LTBP3: variants seen among roughly 807,000 people sequenced by gnomAD.
LTBP3 encodes latent-transforming growth factor beta-binding protein 3.
A neutral mutation model predicts 159.7 loss-of-function variants in LTBP3; 97 were observed. The observed-to-expected ratio is 0.61, with a 90% CI of 0.52 to 0.72. LTBP3 has a LOEUF of 0.72. Ranked by LOEUF, LTBP3 falls within the 30% of genes least tolerant of loss-of-function variation. The probability of loss-of-function intolerance (pLI) is 0.00; values close to 1 mark genes in which losing one functional copy is unlikely to be tolerated. For missense variants in LTBP3, 1,584 were observed against 1,864.3 expected, an observed-to-expected ratio of 0.85 and a Z score of 2.77; for synonymous variants, 824 against 777.1, an observed-to-expected ratio of 1.06 and a Z score of -1.00.
intron 18 of LTBP3, chr11:65,542,801 T>C (rs1400290021): frequency 1.5e-5 from 6 of 402,198 alleles, no homozygotes; most frequent in African/African-American, 8.2e-5. Context: ...GCCTGGCACA[T>C]AGTAAGCACC....
At chr11:65,557,541 C>T in intron 1 of LTBP3, 88 bp downstream of exon 1, 11 of 1,569,860 alleles carry the variant, frequency 7.0e-6, no homozygotes, top group Non-Finnish European at 8.7e-6. Flanking sequence ...CCTCAGCCCC[C>T]AGTCTCTAAG....
In LTBP3 at chr11:65,558,349, C is replaced by A; in HGVS notation, c.-390G>T. 1 of 271,330 alleles carries A rather than the reference C, an allele frequency of 3.7e-6. No homozygotes were observed. Among genetic ancestry groups the A allele is most frequent in the South Asian group, 1.4e-4 (1 of 7,152 alleles). The allele number at this position is 271,330 out of a possible 1,614,324, so 16.8% of individuals were successfully genotyped here. A position where few individuals can be genotyped will look rare whatever the true frequency, so the allele number is the denominator to read the frequency against. ...AGGCAGGGAGCGCGCGGGGAGGGCTCAGGGAGAAGTGAGCAGTTGTTTTCC... is the reference window on the plus strand; with the variant it reads ...AGGCAGGGAGCGCGCGGGGAGGGCTAAGGGAGAAGTGAGCAGTTGTTTTCC... On this transcript the variant is annotated 5_prime_UTR_variant, in exon 1 of 28. Coordinates refer to ENST00000301873, the MANE Select transcript of LTBP3 (RefSeq NM_001130144.3).
At position 65,543,489 on chromosome 11, in the gene LTBP3, C is replaced by A. The variant is rs775607719; in HGVS notation, c.2414G>T (p.Gly805Val). 1 of 1,614,120 alleles carries A rather than the reference C, an allele frequency of 6.2e-7. No homozygotes were observed. Among genetic ancestry groups the A allele is most frequent in the Non-Finnish European group, 8.5e-7 (1 of 1,179,992 alleles). The change falls in exon 17 of 28, where the codon GGA becomes GTA. Residue 805 changes from glycine (G) to valine (V), a missense_variant. Physicochemically the swap from Gly to Val is moderately radical, Grantham distance 109. Around this residue, in one of 6 missense-constraint regions of LTBP3, gnomAD observed 565 missense variants for 677.7 expected, o/e 0.83. Coordinates refer to ENST00000301873, the MANE Select transcript of LTBP3 (RefSeq NM_001130144.3). ...CDNGICSNTP[G>V]SFQCQCLSGY... The stretch of plus-strand genomic sequence containing the variant: ...AGAGAGGCACTGACACTGGAAAGAT[C>A]CTGGCGTGTTGCTGCAGATGCCATT...
At chr11:65,540,652 G>C in intron 21 of LTBP3, 38 bp from the exon 22 acceptor site, 5 of 1,611,324 alleles carry the variant, frequency 3.1e-6, no homozygotes, top group Non-Finnish European at 4.2e-6. Flanking sequence ...CGGTCCCGCA[G>C]CTGCAGCCCG....
Position 65,552,351 on chromosome 11 carries a change from C to G in LTBP3, c.1242G>C (p.Gln414His). 6.2e-7 allele frequency: 1 copy of G among 1,614,050 alleles called. No homozygotes were observed. The highest frequency in any genetic ancestry group is 8.5e-7 in the Non-Finnish European group (1 of 1,179,996). Reference protein sequence around the residue: ...LCFRLVSPEHQCQHPLTTRLT... With the variant: ...LCFRLVSPEHHCQHPLTTRLT... Reference sequence around the variant, plus strand: ...GGCGGGTGGTCAGTGGGTGCTGGCACTGGTGCTCAGGGCTCACCAGGCGGA... The same window carrying G: ...GGCGGGTGGTCAGTGGGTGCTGGCAGTGGTGCTCAGGGCTCACCAGGCGGA... The change falls in exon 7 of 28, where the codon CAG becomes CAC. Residue 414 changes from glutamine (Q) to histidine (H), a missense_variant. Physicochemically the swap from Gln to His is conservative, Grantham distance 24. This residue lies in a region of LTBP3 where 156 missense variants were observed against 259.7 expected (regional missense o/e 0.60). Coordinates refer to ENST00000301873, the MANE Select transcript of LTBP3 (RefSeq NM_001130144.3). The surrounding 1 kb of genome is among the most constrained non-coding windows in gnomAD (Gnocchi z 6.0).
chr11:65,551,917 G>C (rs1010539480), intron 8 of LTBP3, 55 bp downstream of exon 8: 19 of 1,577,484 alleles, frequency 1.2e-5, no homozygotes, highest in Non-Finnish European at 1.6e-5. Context: ...ACGGGTCAAG[G>C]GGTCAGGCCT....
Position 65,547,622 on chromosome 11 carries a change from G to A in LTBP3, c.1979-55C>T. 1 of 1,609,798 alleles carries A rather than the reference G, an allele frequency of 6.2e-7. No homozygotes were observed. The highest frequency in any genetic ancestry group is 8.5e-7 in the Non-Finnish European group (1 of 1,178,396). ...GTGTAGGAGGCGGCGGGCAAGGGGA[G>A]GGATTACACGGCGGTCTGGAGGAGA... On this transcript the variant is annotated intron_variant, in intron 13 of 27. Coordinates refer to ENST00000301873, the MANE Select transcript of LTBP3 (RefSeq NM_001130144.3). This position sits in a 1 kb window ranked among gnomAD's most constrained non-coding sequence, Gnocchi z 4.6.
At chr11:65,549,567 C>CTTTTTTTTTTTTTTTTTTTT (rs748132211) in intron 11 of LTBP3, among the ~76,000 whole-genome samples, 4 of 64,744 alleles carry the variant, frequency 6.2e-5, no homozygotes, top group Non-Finnish European at 7.8e-5. Context: ...CCCAGCTAAT[C>CTTTTTTTTTTTTTTTTTTTT]TTTTTTTTTT....
rs748487542 is a variant in LTBP3, at chr11:65,557,814, C to T, written c.146G>A (p.Arg49Gln). 1.3e-6 allele frequency: 2 copies of T among 1,492,604 alleles called. No homozygotes were observed. Among genetic ancestry groups the T allele is most frequent in the East Asian group, 2.7e-5 (1 of 37,430 alleles). 92.5% of individuals were successfully genotyped at this position (1,492,604 alleles called of 1,614,324 possible). A position where few individuals can be genotyped will look rare whatever the true frequency, so the allele number is the denominator to read the frequency against. Residue 49 changes from arginine to glutamine, a missense_variant, in exon 1 of 28, where the codon CGG becomes CAG. Arg to Gln is a conservative substitution (Grantham distance 43). Around this residue, in one of 6 missense-constraint regions of LTBP3, gnomAD observed 79 missense variants for 64.7 expected, o/e 1.22. Coordinates refer to ENST00000301873, the MANE Select transcript of LTBP3 (RefSeq NM_001130144.3). ...CAGCGCCCCGCCCCCGCCTGCGCCCCGCTCGCCGGCCGGCCCCCCCTCGAC... is the reference window on the plus strand; with the variant it reads ...CAGCGCCCCGCCCCCGCCTGCGCCCTGCTCGCCGGCCGGCCCCCCCTCGAC... ...GRVEGGPAGE[R>Q]GAGGGGALAR...
In LTBP3 at chr11:65,558,307, C is replaced by T; in HGVS notation, c.-348G>A. 1 of 667,434 alleles carries T rather than the reference C, an allele frequency of 1.5e-6. No homozygotes were observed. Among genetic ancestry groups the T allele is most frequent in the East Asian group, 6.3e-5 (1 of 15,774 alleles). The allele number at this position is 667,434 out of a possible 1,614,324, so 41.3% of individuals were successfully genotyped here. A position where few individuals can be genotyped will look rare whatever the true frequency, so the allele number is the denominator to read the frequency against. On this transcript the variant is annotated 5_prime_UTR_variant, in exon 1 of 28. Coordinates refer to ENST00000301873, the MANE Select transcript of LTBP3 (RefSeq NM_001130144.3). ...CGCGCCTCCCCCTGGCCGGGCTCCT[C>T]TCCCGCGGCCGCGGGGAGGCAGGGA... is the stretch of plus-strand genomic sequence containing the variant.
chr11:65,539,786 C>T lies in LTBP3; in HGVS notation c.3481G>A (p.Asp1161Asn), dbSNP rs1377615305. 1 of 1,545,084 alleles carries T rather than the reference C, an allele frequency of 6.5e-7. No individual in the cohort carries two copies. The highest frequency in any genetic ancestry group is 8.7e-7 in the Non-Finnish European group (1 of 1,152,704). ...PLAGPALTFD[D>N]CCCRQGRGWG... ...CCGCGGCCCTGGCGGCAGCAGCAGT[C>T]GTCGAAGGTGAGGGCAGGCCCGGCC... The change falls in exon 25 of 28, where the codon GAC becomes AAC. Residue 1161 changes from aspartate (D) to asparagine (N), a missense_variant. This residue lies in a region of LTBP3 where 514 missense variants were observed against 530.3 expected (regional missense o/e 0.97). Transcript: ENST00000301873.
intron 17 of LTBP3, 29 bp downstream of exon 17, chr11:65,543,398 G>A: frequency 6.2e-7 from 1 of 1,613,556 alleles, no homozygotes; most frequent in African/African-American, 1.3e-5. Flanking sequence ...GGAGGGACAG[G>A]TCAGCACCCC....
chr11:65,550,748 C>T (rs958530597), intron 11 of LTBP3, among the ~76,000 whole-genome samples: 2 of 151,894 alleles, frequency 1.3e-5, no homozygotes, highest in African/African-American at 2.4e-5. Flanking sequence ...CGCTTGAACC[C>T]GGGAGGCGGA....
At chr11:65,539,302 G>GCCCCCCCC in intron 27 of LTBP3, 26 bp downstream of exon 27, 1 of 1,504,198 alleles carries the variant, frequency 6.6e-7, no homozygotes, top group Non-Finnish European at 8.9e-7. Flanking sequence ...CCCCGCCCCT[G>GCCCCCCCC]CCCCCACCCC....
At position 65,539,553 on chromosome 11, in the gene LTBP3, G is replaced by A; in HGVS notation, c.3623C>T (p.Pro1208Leu). 6.2e-7 allele frequency: 1 copy of A among 1,612,438 alleles called. No individual in the cohort carries two copies. The highest frequency in any genetic ancestry group is 8.5e-7 in the Non-Finnish European group (1 of 1,179,200). ...CCCGACCCGGCAGCACTCACCTCTT[G>A]GGGGCTTCCCCAACAGCAGGGGGCT... is the stretch of plus-strand genomic sequence containing the variant. ...DTSPLLLGKP[P>L]RDEDSSEEDS... Residue 1208 changes from proline to leucine, a missense_variant, in exon 26 of 28, where the codon CCA (proline) becomes CTA (leucine). By Grantham distance (98) the Pro-to-Leu change is moderately conservative. Coordinates refer to ENST00000301873, the MANE Select transcript of LTBP3 (RefSeq NM_001130144.3).
In LTBP3 at chr11:65,547,804, C is replaced by T; in HGVS notation, c.1864G>A (p.Ala622Thr). The change falls in exon 13 of 28, where the codon GCA becomes ACA. Residue 622 changes from alanine to threonine, a missense_variant. Coordinates refer to ENST00000301873, the MANE Select transcript of LTBP3 (RefSeq NM_001130144.3). The surrounding 1 kb of genome is among the most constrained non-coding windows in gnomAD (Gnocchi z 4.6). ...CCCCTCCCCGGGCCACAGGGCTCTG[C>T]CTCGCACTCGTTCACATCTGAGAAG... ...RYCVDVNECE[A>T]EPCGPGRGIC... is the part of the protein sequence containing the mutation. 6.2e-7 allele frequency: 1 copy of T among 1,613,212 alleles called. No homozygotes were observed. The highest frequency in any genetic ancestry group is 8.5e-7 in the Non-Finnish European group (1 of 1,179,882).
Position 65,553,467 on chromosome 11 carries a change from C to A in LTBP3, c.928G>T (p.Ala310Ser). ...TTGTGGCACTTGCTCTGGCCCCAGG[C>A]AGTGCCGATGCTACCGCAGCAGTCT... is the stretch of plus-strand genomic sequence containing the variant. The part of the protein sequence containing the change: ...QEDCCGSIGT[A>S]WGQSKCHKCP... Residue 310 changes from alanine (A) to serine (S), a missense_variant, in exon 4 of 28, where the codon GCC (alanine) becomes TCC (serine). Around this residue, in one of 6 missense-constraint regions of LTBP3, gnomAD observed 156 missense variants for 259.7 expected, o/e 0.60. Coordinates refer to ENST00000301873, the MANE Select transcript of LTBP3 (RefSeq NM_001130144.3). This position sits in a 1 kb window ranked among gnomAD's most constrained non-coding sequence, Gnocchi z 6.5. The A allele has an allele frequency of 3.1e-6, 5 of 1,612,504 alleles. No individual in the cohort carries two copies. Among genetic ancestry groups the A allele is most frequent in the Non-Finnish European group, 4.2e-6 (5 of 1,179,932 alleles).
At position 65,546,234 on chromosome 11, in the gene LTBP3, C is replaced by A. The variant is rs1048830540; in HGVS notation, c.2353+208G>T. 9 of 611,256 alleles carry A rather than the reference C, an allele frequency of 1.5e-5. No individual in the cohort carries two copies. In the Admixed American group the frequency reaches 3.0e-4, roughly 20 times the overall value. 37.9% of individuals were successfully genotyped at this position (611,256 alleles called of 1,614,324 possible). On this transcript the variant is annotated intron_variant, in intron 16 of 27. Coordinates refer to ENST00000301873, the MANE Select transcript of LTBP3 (RefSeq NM_001130144.3). This position sits in a 1 kb window ranked among gnomAD's most constrained non-coding sequence, Gnocchi z 4.0. ...ATTTAAGTAACATGCTTTGCAAACGCAGCTTCGAGCTCTACCCCGAGACCC... is the reference window on the plus strand; with the variant it reads ...ATTTAAGTAACATGCTTTGCAAACGAAGCTTCGAGCTCTACCCCGAGACCC...
At position 65,557,903 on chromosome 11, in the gene LTBP3, C is replaced by T. The variant is rs1856867473; in HGVS notation, c.57G>A (p.Gly19=). 1.6e-6 allele frequency: 2 copies of T among 1,271,338 alleles called. No individual in the cohort carries two copies. The highest frequency in any genetic ancestry group is 2.1e-5 in the South Asian group (1 of 46,622). 78.8% of individuals were successfully genotyped at this position (1,271,338 alleles called of 1,614,324 possible). ...GCAGCAGCGCCAGCAGCCCCGCCGC[C>T]CCCGCCCCGCGCATCTCAGGGGCCA... ...GGLAPEMRGA[G]AAGLLALLLL... is the part of the protein sequence containing the mutation. The change falls in exon 1 of 28, where the codon GGG becomes GGA. Residue 19 remains glycine, a synonymous_variant. Coordinates refer to ENST00000301873, the MANE Select transcript of LTBP3 (RefSeq NM_001130144.3).
Sources: allele counts gnomAD v4.1 joint callset (sites outside exome capture counted in the v4.1 genomes callset), GRCh38; gene constraint gnomAD v4.1.1; regional missense constraint gnomAD v4.1.1; non-coding constraint Gnocchi (gnomAD v3.1); transcripts MANE v1.5; gene names NCBI Gene and HGNC (gene_info 2026-07-23, HGNC 2026-07-21).